Variants in KCNA4 observed in about 807,000 individuals in gnomAD.
KCNA4 encodes cardiac potassium channel.
Under a neutral mutation model 37.2 loss-of-function variants are expected in KCNA4, and 5 were observed. The observed-to-expected ratio is 0.13, with a 90% CI of 0.07 to 0.28. The LOEUF (loss-of-function observed/expected upper bound fraction) is 0.28, where lower values mean the gene tolerates loss of function less well. Among genes scored for constraint, KCNA4 ranks in the 10% least tolerant of loss-of-function variants. The probability of loss-of-function intolerance (pLI) is 1.00; values close to 1 mark genes in which losing one functional copy is unlikely to be tolerated. For missense variants in KCNA4, 634 were observed against 817.4 expected, an observed-to-expected ratio of 0.78 and a Z score of 2.74; for synonymous variants, 350 against 311.8, an observed-to-expected ratio of 1.12 and a Z score of -1.29.
Position 30,011,339 on chromosome 11 carries a change from C to G in KCNA4, c.1340G>C (p.Arg447Pro). Residue 447 changes from arginine to proline, a missense_variant, in exon 2 of 2, where the codon CGT (arginine) becomes CCT (proline). Arg to Pro is a moderately radical substitution (Grantham distance 103, BLOSUM62 -2). Coordinates refer to ENST00000328224, the MANE Select transcript of KCNA4 (RefSeq NM_002233.4). The surrounding 1 kb of genome is among the most constrained non-coding windows in gnomAD (Gnocchi z 5.6). ...AMSFAILRII[R>P]LVRVFRIFKL... ...GAAGATCCGGAATACTCGGACCAGA[C>G]GAATGATTCTGAGGATGGCAAAGGA... 6.2e-7 allele frequency: 1 copy of G among 1,614,066 alleles called. No individual in the cohort carries two copies. Among genetic ancestry groups the G allele is most frequent in the Non-Finnish European group, 8.5e-7 (1 of 1,180,014 alleles).
At chr11:30,014,497 T>C (rs1850333887) in intron 1 of KCNA4, among the ~76,000 whole-genome samples, 1 of 152,224 alleles carries the variant, frequency 6.6e-6, no homozygotes, top group Admixed American at 6.5e-5. Flanking sequence ...TGTCAGTTTC[T>C]GTGGACTTCA....
Position 30,012,378 on chromosome 11 carries a change from T to C in KCNA4, c.301A>G (p.Ser101Gly), listed in dbSNP as rs1440742852. Residue 101 changes from serine (S) to glycine (G), a missense_variant, in exon 2 of 2, where the codon AGC becomes GGC. Coordinates refer to ENST00000328224, the MANE Select transcript of KCNA4 (RefSeq NM_002233.4). ...EKKKAHYRQS[S>G]FPHCSDLMPS... Reference sequence around the variant, plus strand: ...ATCAGGTCAGAGCAATGAGGGAAGCTGCTCTGCCGGTAGTGGGCTTTCTTC... The same window carrying C: ...ATCAGGTCAGAGCAATGAGGGAAGCCGCTCTGCCGGTAGTGGGCTTTCTTC... 2.5e-6 allele frequency: 4 copies of C among 1,614,166 alleles called. No individual in the cohort carries two copies. The highest frequency in any genetic ancestry group is 3.4e-6 in the Non-Finnish European group (4 of 1,180,042).
chr11:30,010,459 C>T lies in KCNA4; in HGVS notation c.*258G>A, dbSNP rs1368112105. The stretch of plus-strand genomic sequence containing the variant: ...TCCATCTTTACTGTTAACATCTTTT[C>T]CAGTTAATGTGCAAAATTCTTGCAT... On this transcript the variant is annotated 3_prime_UTR_variant, in exon 2 of 2. Transcript: ENST00000328224. The T allele has an allele frequency of 5.9e-6, 3 of 506,696 alleles. No individual in the cohort carries two copies. Among genetic ancestry groups the T allele is most frequent in the Non-Finnish European group, 1.0e-5 (3 of 299,134 alleles). 31.4% of individuals were successfully genotyped at this position (506,696 alleles called of 1,614,324 possible). A position where few individuals can be genotyped will look rare whatever the true frequency, so the allele number is the denominator to read the frequency against.
chr11:30,011,139 C>A lies in KCNA4; in HGVS notation c.1540G>T (p.Ala514Ser). The A allele has an allele frequency of 1.9e-6, 3 of 1,614,154 alleles. No individual in the cohort carries two copies. The highest frequency in any genetic ancestry group is 1.7e-6 in the Non-Finnish European group (2 of 1,180,026). Reference sequence around the variant, plus strand: ...ATGGTCACCACAGCCCACCAAAATGCATCTGGGATGCTTTGGAAATGGGTA... The same window carrying A: ...ATGGTCACCACAGCCCACCAAAATGAATCTGGGATGCTTTGGAAATGGGTA... Reference protein sequence around the residue: ...PTTHFQSIPDAFWWAVVTMTT... With the variant: ...PTTHFQSIPDSFWWAVVTMTT... The change falls in exon 2 of 2, where the codon GCA becomes TCA. Residue 514 changes from alanine to serine, a missense_variant. By Grantham distance (99) the Ala-to-Ser change is moderately conservative. Transcript: ENST00000328224. The surrounding 1 kb of genome is among the most constrained non-coding windows in gnomAD (Gnocchi z 5.6).
In KCNA4 at chr11:30,012,894, G is replaced by C; in HGVS notation, c.-216C>G. 5.1e-6 allele frequency: 3 copies of C among 585,318 alleles called. No homozygotes were observed. The East Asian group carries it at 1.0e-4, about 20-fold the overall frequency. The allele number at this position is 585,318 out of a possible 1,614,324, so 36.3% of individuals were successfully genotyped here. A position where few individuals can be genotyped will look rare whatever the true frequency, so the allele number is the denominator to read the frequency against. On this transcript the variant is annotated 5_prime_UTR_variant, in exon 2 of 2. Transcript: ENST00000328224. ...CAGGGATTCAACATTGCTCTCCAGA[G>C]CTTGGCTGGTCGAGATAAATAGCCT...
intron 1 of KCNA4, among the ~76,000 whole-genome samples, chr11:30,014,630 C>A (rs10835608): frequency 1.3e-5 from 2 of 151,632 alleles, no homozygotes; most frequent in African/African-American, 4.8e-5. Flanking sequence ...AATTGCATGT[C>A]CCTTGCAGCT....
At position 30,011,179 on chromosome 11, in the gene KCNA4, C is replaced by G; in HGVS notation, c.1500G>C (p.Glu500Asp). The G allele has an allele frequency of 6.2e-7, 1 of 1,614,124 alleles. No individual in the cohort carries two copies. Among genetic ancestry groups the G allele is most frequent in the Non-Finnish European group, 8.5e-7 (1 of 1,180,034 alleles). Residue 500 changes from glutamate to aspartate, a missense_variant, in exon 2 of 2, where the codon GAG (glutamate) becomes GAC (aspartate). Transcript: ENST00000328224. The surrounding 1 kb of genome is among the most constrained non-coding windows in gnomAD (Gnocchi z 5.6). ...ILFSSAVYFA[E>D]ADEPTTHFQS... ...GGAAATGGGTAGTAGGTTCATCCGC[C>G]TCTGCAAAATACACAGCACTAGAAA...
At position 30,012,238 on chromosome 11, in the gene KCNA4, A is replaced by T. The variant is rs1404445453; in HGVS notation, c.441T>A (p.His147Gln). 3 of 1,613,880 alleles carry T rather than the reference A, an allele frequency of 1.9e-6. No homozygotes were observed. The Admixed American group carries it at 5.0e-5, about 27-fold the overall frequency. The change falls in exon 2 of 2, where the codon CAT (histidine) becomes CAA (glutamine). Residue 147 changes from histidine to glutamine, a missense_variant. Physicochemically the swap from His to Gln is conservative, Grantham distance 24 (BLOSUM62 0). Around this residue, in one of 8 missense-constraint regions of KCNA4, gnomAD observed 236 missense variants for 229.5 expected, o/e 1.03. Transcript: ENST00000328224. ...GATCCGTGTAGGAACACTCATCACC[A>T]TGGTCATCTTCACTATAGTAAAACC... is the stretch of plus-strand genomic sequence containing the variant. ...EGRFYYSEDDHGDECSYTDLL... is the reference protein window; with the variant it reads ...EGRFYYSEDDQGDECSYTDLL...
intron 1 of KCNA4, among the ~76,000 whole-genome samples, chr11:30,015,448 T>C (rs1590494187): frequency 6.6e-6 from 1 of 152,232 alleles, no homozygotes; most frequent in Admixed American, 6.5e-5. Context: ...CAGAAGGTCA[T>C]GAATTAGCGA....
intron 1 of KCNA4, among the ~76,000 whole-genome samples, chr11:30,014,971 T>C (rs184754977): frequency 1.1e-4 from 17 of 152,232 alleles, no homozygotes; most frequent in African/African-American, 4.1e-4. Flanking sequence ...TCCTTGCTGA[T>C]CCTGTCAGCC....
rs769624568 is a variant in KCNA4, at chr11:30,011,352, G to A, written c.1327C>T (p.Leu443Phe). The A allele has an allele frequency of 8.7e-6, 14 of 1,614,012 alleles. No homozygotes were observed. The highest frequency in any genetic ancestry group is 8.5e-7 in the Non-Finnish European group (1 of 1,180,020). The change falls in exon 2 of 2, where the codon CTC (leucine) becomes TTC (phenylalanine). Residue 443 changes from leucine (L) to phenylalanine (F), a missense_variant. By Grantham distance (22) the Leu-to-Phe change is conservative. Coordinates refer to ENST00000328224, the MANE Select transcript of KCNA4 (RefSeq NM_002233.4). The surrounding 1 kb of genome is among the most constrained non-coding windows in gnomAD (Gnocchi z 5.6). ...QQQQAMSFAI[L>F]RIIRLVRVFR... ...ACTCGGACCAGACGAATGATTCTGAGGATGGCAAAGGACATGGCCTGCTGC... is the reference window on the plus strand; with the variant it reads ...ACTCGGACCAGACGAATGATTCTGAAGATGGCAAAGGACATGGCCTGCTGC...
chr11:30,012,554 G>T lies in KCNA4; in HGVS notation c.125C>A (p.Ala42Asp). 1 of 1,607,440 alleles carries T rather than the reference G, an allele frequency of 6.2e-7. No individual in the cohort carries two copies. Among genetic ancestry groups the T allele is most frequent in the East Asian group, 2.2e-5 (1 of 44,804 alleles). The change falls in exon 2 of 2, where the codon GCT becomes GAT. Residue 42 changes from alanine (A) to aspartate (D), a missense_variant. Physicochemically the swap from Ala to Asp is moderately radical, Grantham distance 126. Coordinates refer to ENST00000328224, the MANE Select transcript of KCNA4 (RefSeq NM_002233.4). ...AGCAGCTGTGGCCGCTGCAACAGCAGCTGCTGCAGCTGCCCTGGAGTGAGC... is the reference window on the plus strand; with the variant it reads ...AGCAGCTGTGGCCGCTGCAACAGCATCTGCTGCAGCTGCCCTGGAGTGAGC... The part of the protein sequence containing the change: ...RLAHSRAAAA[A>D]AVAAATAAVE...
In KCNA4 at chr11:30,017,020, G is replaced by C. The variant is rs957838449; in HGVS notation, c.-1231C>G. 110 of 397,856 alleles carry C rather than the reference G, an allele frequency of 2.8e-4. No homozygotes were observed. The highest frequency in any genetic ancestry group is 6.3e-4 in the Middle Eastern group (1 of 1,586). 24.6% of individuals were successfully genotyped at this position (397,856 alleles called of 1,614,324 possible). ...AGCAGCACACGCCTCCCCTGGCCGC[G>C]AACGCGCTCTGGGCGGGGGCGGGGC... On this transcript the variant is annotated 5_prime_UTR_variant, in exon 1 of 2. Coordinates refer to ENST00000328224, the MANE Select transcript of KCNA4 (RefSeq NM_002233.4).
chr11:30,011,758 C>T lies in KCNA4; in HGVS notation c.921G>A (p.Arg307=), dbSNP rs779948018. The change falls in exon 2 of 2, where the codon AGG becomes AGA. Residue 307 remains arginine, a synonymous_variant. Coordinates refer to ENST00000328224, the MANE Select transcript of KCNA4 (RefSeq NM_002233.4). The surrounding 1 kb of genome is among the most constrained non-coding windows in gnomAD (Gnocchi z 5.6). ...FEYPESSSPA[R]GIAIVSVLVI... The stretch of plus-strand genomic sequence containing the variant: ...CCAGGACGGACACAATGGCTATGCC[C>T]CTTGCAGGACTGGAGCTCTCTGGAT... 1.2e-6 allele frequency: 2 copies of T among 1,613,988 alleles called. No homozygotes were observed. Among genetic ancestry groups the T allele is most frequent in the South Asian group, 1.1e-5 (1 of 91,058 alleles).
In KCNA4 at chr11:30,012,659, C is replaced by G; in HGVS notation, c.20G>C (p.Ser7Thr). 1 of 1,556,680 alleles carries G rather than the reference C, an allele frequency of 6.4e-7. No individual in the cohort carries two copies. The highest frequency in any genetic ancestry group is 8.7e-7 in the Non-Finnish European group (1 of 1,149,238). The change falls in exon 2 of 2, where the codon AGT becomes ACT. Residue 7 changes from serine (S) to threonine (T), a missense_variant. By Grantham distance (58) the Ser-to-Thr change is moderately conservative. This residue lies in a region of KCNA4 where 236 missense variants were observed against 229.5 expected (regional missense o/e 1.03). Coordinates refer to ENST00000328224, the MANE Select transcript of KCNA4 (RefSeq NM_002233.4). MEVAMV[S>T]AESSGCNSHM... ...ACTGTTGCACCCTGAGCTCTCCGCA[C>G]TCACCATTGCAACCTCCATGGTGGT... is the stretch of plus-strand genomic sequence containing the variant.
At position 30,012,313 on chromosome 11, in the gene KCNA4, A is replaced by C; in HGVS notation, c.366T>G (p.Ser122Arg). 2 of 1,612,466 alleles carry C rather than the reference A, an allele frequency of 1.2e-6. No homozygotes were observed. Among genetic ancestry groups the C allele is most frequent in the Non-Finnish European group, 1.7e-6 (2 of 1,179,484 alleles). The part of the protein sequence containing the change: ...GSEEKILREL[S>R]EEEEDEEEEE... ...CCTCCTCCTCATCTTCCTCCTCCTCACTCAGCTCCCTCAGGATCTTCTCCT... is the reference window on the plus strand; with the variant it reads ...CCTCCTCCTCATCTTCCTCCTCCTCCCTCAGCTCCCTCAGGATCTTCTCCT... Residue 122 changes from serine (S) to arginine (R), a missense_variant, in exon 2 of 2, where the codon AGT becomes AGG. Ser to Arg is a moderately radical substitution (Grantham distance 110, BLOSUM62 -1). Transcript: ENST00000328224.
Position 30,011,344 on chromosome 11 carries a change from G to A in KCNA4, c.1335C>T (p.Ile445=), listed in dbSNP as rs1398109805. 6.2e-7 allele frequency: 1 copy of A among 1,614,050 alleles called. No homozygotes were observed. Among genetic ancestry groups the A allele is most frequent in the African/African-American group, 1.3e-5 (1 of 74,910 alleles). The stretch of plus-strand genomic sequence containing the variant: ...TCCGGAATACTCGGACCAGACGAAT[G>A]ATTCTGAGGATGGCAAAGGACATGG... ...QQAMSFAILR[I]IRLVRVFRIF... The change falls in exon 2 of 2, where the codon ATC becomes ATT. Residue 445 remains isoleucine, a synonymous_variant. Coordinates refer to ENST00000328224, the MANE Select transcript of KCNA4 (RefSeq NM_002233.4). This position sits in a 1 kb window ranked among gnomAD's most constrained non-coding sequence, Gnocchi z 5.6.
At position 30,012,232 on chromosome 11, in the gene KCNA4, A is replaced by G; in HGVS notation, c.447T>C (p.Asp149=). The G allele has an allele frequency of 6.2e-7, 1 of 1,614,030 alleles. No individual in the cohort carries two copies. The highest frequency in any genetic ancestry group is 8.5e-7 in the Non-Finnish European group (1 of 1,180,000). The stretch of plus-strand genomic sequence containing the variant: ...GCAGCAGATCCGTGTAGGAACACTC[A>G]TCACCATGGTCATCTTCACTATAGT... ...RFYYSEDDHG[D]ECSYTDLLPQ... is the part of the protein sequence containing the mutation. Residue 149 remains aspartate, a synonymous_variant, in exon 2 of 2, where the codon GAT becomes GAC. Coordinates refer to ENST00000328224, the MANE Select transcript of KCNA4 (RefSeq NM_002233.4).
chr11:30,014,968 T>C (rs1850338153), intron 1 of KCNA4, among the ~76,000 whole-genome samples: 1 of 152,182 alleles, frequency 6.6e-6, no homozygotes, highest in Non-Finnish European at 1.5e-5. Context: ...TGCTCCTTGC[T>C]GATCCTGTCA....
Sources: gnomAD v4.1 joint callset for allele counts (sites outside exome capture counted in the v4.1 genomes callset) on GRCh38, gnomAD v4.1.1 for gene constraint, gnomAD v4.1.1 regional missense constraint, Gnocchi (gnomAD v3.1) non-coding constraint, MANE v1.5 for transcripts, NCBI Gene and HGNC (gene_info 2026-07-23, HGNC 2026-07-21) for gene names.